The following PLPPR5 variants were observed in gnomAD, a reference collection of about 807,000 sequenced individuals.
PLPPR5 encodes the protein phospholipid phosphatase related 5.
Under a neutral mutation model 33.9 loss-of-function variants are expected in PLPPR5, and 16 were observed. The ratio of observed to expected loss-of-function variants is 0.47; its 90% CI spans 0.32 to 0.72. PLPPR5 has a LOEUF of 0.72. PLPPR5 is among the 30% of genes least tolerant of loss of function. PLPPR5 has a pLI of 0.03. For missense variants in PLPPR5, 301 were observed against 406.7 expected, an observed-to-expected ratio of 0.74 and a Z score of 2.23; for synonymous variants, 163 against 150.3, an observed-to-expected ratio of 1.08 and a Z score of -0.62.
At chr1:98,924,409 G>A (rs1423776481) in intron 3 of PLPPR5, among the ~76,000 whole-genome samples, 4 of 152,120 alleles carry the variant, frequency 2.6e-5, no homozygotes, top group Non-Finnish European at 5.9e-5. Flanking sequence ...TTCTTGCCTG[G>A]AGGAAATGGC....
chr1:98,995,998 TA>T (rs148957420), intron 1 of PLPPR5, among the ~76,000 whole-genome samples: 1,987 of 152,090 alleles, frequency 0.013, 20 homozygotes, highest in African/African-American at 0.025. Context: ...GAAATGTAAA[TA>T]AAATACAATA....
chr1:98,949,050 C>T (rs565320887), intron 3 of PLPPR5, among the ~76,000 whole-genome samples: 1 of 152,078 alleles, frequency 6.6e-6, no homozygotes, highest in Non-Finnish European at 1.5e-5. Flanking sequence ...ACTGGAAATT[C>T]ACCAAACATA....
At chr1:99,004,086 G>A (rs1208046462) in intron 1 of PLPPR5, among the ~76,000 whole-genome samples, 2 of 152,148 alleles carry the variant, frequency 1.3e-5, no homozygotes, top group Admixed American at 6.5e-5. Flanking sequence ...AGCGAGTCAA[G>A]GCCACAGAGT....
At chr1:98,912,702 T>A (rs945026511) in intron 5 of PLPPR5, among the ~76,000 whole-genome samples, 4 of 152,134 alleles carry the variant, frequency 2.6e-5, no homozygotes, top group Non-Finnish European at 5.9e-5. Flanking sequence ...AGGAAGAAGG[T>A]GAGAAGGAAT....
chr1:98,940,529 C>T (rs992853830), intron 3 of PLPPR5, among the ~76,000 whole-genome samples: 1 of 151,808 alleles, frequency 6.6e-6, no homozygotes, highest in Non-Finnish European at 1.5e-5. Flanking sequence ...GTATAGCACA[C>T]GTAGGAGTGT....
intron 5 of PLPPR5, among the ~76,000 whole-genome samples, chr1:98,897,089 T>C (rs1648506482): frequency 6.6e-6 from 1 of 152,148 alleles, no homozygotes; most frequent in South Asian, 2.1e-4. Context: ...AAATAAAATG[T>C]ATTTGAAAGA....
intron 2 of PLPPR5, among the ~76,000 whole-genome samples, chr1:98,954,590 A>G (rs780736218): frequency 9.2e-5 from 14 of 152,154 alleles, no homozygotes; most frequent in Non-Finnish European, 1.5e-4. Flanking sequence ...AAGTTTACAT[A>G]CAAAAACCCC....
In PLPPR5 at chr1:98,995,658, C is replaced by T. The variant is rs542768823; in HGVS notation, c.237+8777G>A. Among the ~76,000 whole-genome samples the T allele has an allele frequency of 2.2e-4, 33 of 152,024 alleles. No individual in the cohort carries two copies. The East Asian group carries it at 5.8e-3, about 27-fold the overall frequency. ...GCTTGGAGCATGTCAACTTGGGGACCCAGAATCCCACTGTGGCTGTGCCCA... is the reference window on the plus strand; with the variant it reads ...GCTTGGAGCATGTCAACTTGGGGACTCAGAATCCCACTGTGGCTGTGCCCA... On this transcript the variant is annotated intron_variant, in intron 1 of 5. Transcript: ENST00000263177.
chr1:98,982,290 T>C (rs930639483), intron 1 of PLPPR5, among the ~76,000 whole-genome samples: 1 of 152,078 alleles, frequency 6.6e-6, no homozygotes, highest in Non-Finnish European at 1.5e-5. Context: ...ACTGAGCTCC[T>C]GCACTAGGCC....
intron 5 of PLPPR5, among the ~76,000 whole-genome samples, chr1:98,913,814 G>A (rs776013994): frequency 6.6e-6 from 1 of 152,184 alleles, no homozygotes; most frequent in African/African-American, 2.4e-5. Flanking sequence ...AGTTACAAAT[G>A]CACATAACTG....
Position 99,004,495 on chromosome 1 carries a change from G to A in PLPPR5, c.177C>T (p.Asp59=). ...GGAGCACGGGGGGCACGGCGCTGCTGTCCTCCGGGCCCGGGTAGGGTTTGC... is the reference window on the plus strand; with the variant it reads ...GGAGCACGGGGGGCACGGCGCTGCTATCCTCCGGGCCCGGGTAGGGTTTGC... ...AYRKPYPGPE[D]SSAVPPVLLY... is the part of the protein sequence containing the mutation. Residue 59 remains aspartate, a synonymous_variant, in exon 1 of 6, where the codon GAC becomes GAT. Transcript: ENST00000263177. 1.9e-6 allele frequency: 3 copies of A among 1,613,076 alleles called. No homozygotes were observed. The highest frequency in any genetic ancestry group is 2.5e-6 in the Non-Finnish European group (3 of 1,179,800).
At chr1:98,906,412 G>T (rs1457969012) in intron 5 of PLPPR5, among the ~76,000 whole-genome samples, 1 of 152,042 alleles carries the variant, frequency 6.6e-6, no homozygotes, top group Non-Finnish European at 1.5e-5. Context: ...CTAGGCCACA[G>T]GTTGGGGGCA....
At chr1:98,954,969 T>C (rs1185198932) in intron 2 of PLPPR5, among the ~76,000 whole-genome samples, 2 of 14,918 alleles carry the variant, frequency 1.3e-4, no homozygotes, top group Non-Finnish European at 1.9e-4. Context: ...CCCAAATGTG[T>C]TTGGAATTAA....
At chr1:98,915,959 T>C (rs1254444789) in intron 4 of PLPPR5, among the ~76,000 whole-genome samples, 3 of 152,356 alleles carry the variant, frequency 2.0e-5, no homozygotes, top group Admixed American at 1.3e-4. Flanking sequence ...CTGTGTTTCA[T>C]ATTCTATTAC....
chr1:98,946,304 T>C (rs1650548149), intron 3 of PLPPR5, among the ~76,000 whole-genome samples: 1 of 152,200 alleles, frequency 6.6e-6, no homozygotes, highest in African/African-American at 2.4e-5. Flanking sequence ...AATATATATT[T>C]ATGGAATTGA....
Position 98,892,758 on chromosome 1 carries a change from T to A in PLPPR5, c.*314A>T. ...GAGATTTCTTTTAACATAATTGCAATGATTCTGTGAGAAACTAAAGTGAAT... is the reference window on the plus strand; with the variant it reads ...GAGATTTCTTTTAACATAATTGCAAAGATTCTGTGAGAAACTAAAGTGAAT... On this transcript the variant is annotated 3_prime_UTR_variant, in exon 6 of 6. Coordinates refer to ENST00000263177, the MANE Select transcript of PLPPR5 (RefSeq NM_001037317.2). 3.8e-6 allele frequency: 1 copy of A among 260,964 alleles called. No homozygotes were observed. Among genetic ancestry groups the A allele is most frequent in the Non-Finnish European group, 7.2e-6 (1 of 139,372 alleles). The allele number at this position is 260,964 out of a possible 1,614,324, so 16.2% of individuals were successfully genotyped here.
chr1:98,928,248 T>C (rs1432135172), intron 3 of PLPPR5, among the ~76,000 whole-genome samples: 1 of 151,968 alleles, frequency 6.6e-6, no homozygotes, highest in African/African-American at 2.4e-5. Flanking sequence ...TAGAAAATGT[T>C]AATATATGTT....
rs142811017 is a variant in PLPPR5 at position 98,988,560 on chromosome 1, C to T, written c.237+15875G>A. Among the ~76,000 whole-genome samples, 127 of 152,108 alleles carry T rather than the reference C, an allele frequency of 8.3e-4. No homozygotes were observed. The East Asian group carries it at 0.018, about 22-fold the overall frequency. ...CAAGATCTGCTTTGTTCCTGAAGCC[C>T]TGTAAGCTAAAACTGGACAACTCAA... On this transcript the variant is annotated intron_variant, in intron 1 of 5. Coordinates refer to ENST00000263177, the MANE Select transcript of PLPPR5 (RefSeq NM_001037317.2).
chr1:98,997,809 G>C (rs777425159), intron 1 of PLPPR5, among the ~76,000 whole-genome samples: 1 of 152,168 alleles, frequency 6.6e-6, no homozygotes, highest in Non-Finnish European at 1.5e-5. Context: ...GTATGAAGTG[G>C]TTTATTGTCT....
Sources: allele counts gnomAD v4.1 joint callset (sites outside exome capture counted in the v4.1 genomes callset), GRCh38; gene constraint gnomAD v4.1.1; transcripts MANE v1.5; gene names NCBI Gene and HGNC (gene_info 2026-07-23, HGNC 2026-07-21).